Variants in PPEF1 observed in about 807,000 individuals in gnomAD.
PPEF1 encodes the protein protein phosphatase with EF-hand domain 1.
A neutral mutation model predicts 53.3 loss-of-function variants in PPEF1; 12 were observed. The ratio of observed to expected loss-of-function variants is 0.23; its 90% CI spans 0.14 to 0.36. PPEF1 has a LOEUF of 0.36. PPEF1 is among the 10% of genes least tolerant of loss of function. The pLI is 1.00. For missense variants in PPEF1, 334 were observed against 490.4 expected, an observed-to-expected ratio of 0.68 and a Z score of 3.01; for synonymous variants, 165 against 176.7, an observed-to-expected ratio of 0.93 and a Z score of 0.52.
chrX:18,767,411 G>A (rs979307235), intron 6 of PPEF1, among the ~76,000 whole-genome samples: 2 of 111,322 alleles, frequency 1.8e-5, no homozygotes, highest in Non-Finnish European at 3.8e-5. Context: ...TGGGCGTGGT[G>A]GCACACACCC....
intron 6 of PPEF1, among the ~76,000 whole-genome samples, chrX:18,771,110 T>C (rs1315285976): frequency 8.9e-6 from 1 of 112,060 alleles, no homozygotes; most frequent in Admixed American, 9.4e-5. Flanking sequence ...CATGTTTTCC[T>C]CTTCTTTTGA....
chrX:18,733,130 G>A (rs1206291818), intron 2 of PPEF1, among the ~76,000 whole-genome samples: 1 of 111,440 alleles, frequency 9.0e-6, no homozygotes, highest in South Asian at 3.8e-4. Flanking sequence ...CGCTTGATCC[G>A]GGGAGGCGGA....
chrX:18,690,938 A>G (rs1193690812), intron 3 of PPEF1: 2 of 112,076 alleles, frequency 1.8e-5, no homozygotes, highest in Non-Finnish European at 3.8e-5. Flanking sequence ...AAGATTACAA[A>G]TGAGACTGGG....
In PPEF1 at chrX:18,749,780, T is replaced by C. The variant is rs2147462850; in HGVS notation, c.236-12T>C. 1 of 495,394 alleles carries C rather than the reference T, an allele frequency of 2.0e-6. No individual in the cohort carries two copies. The highest frequency in any genetic ancestry group is 2.9e-6 in the Non-Finnish European group (1 of 343,248). The allele number at this position is 495,394 out of a possible 1,213,427, so 40.8% of individuals were successfully genotyped here. A position where few individuals can be genotyped will look rare whatever the true frequency, so the allele number is the denominator to read the frequency against. On this transcript the variant is annotated splice_polypyrimidine_tract_variant and intron_variant, in intron 3 of 15. Coordinates refer to ENST00000470157, the MANE Select transcript of PPEF1 (RefSeq NM_001377996.1). The stretch of plus-strand genomic sequence containing the variant: ...CCACCCCCACCCCCCCGTTCTGTCC[T>C]TCCTTTTCCAGAATTAAGAAATCAG...
chrX:18,792,651 C>A (rs5909238), intron 10 of PPEF1, among the ~76,000 whole-genome samples: 41,211 of 110,118 alleles, frequency 0.37, 6,888 homozygotes, highest in Non-Finnish European at 0.53. Context: ...CTATTGTTGT[C>A]TATTCTCTAT....
intron 13 of PPEF1, among the ~76,000 whole-genome samples, chrX:18,821,758 C>CGAGAGA (rs754652406): frequency 0.053 from 1,520 of 28,525 alleles, 25 homozygotes; most frequent in Non-Finnish European, 0.074. Flanking sequence ...GAAACCATGG[C>CGAGAGA]GAGAGAGAGA....
chrX:18,730,538 A>G (rs779451997), intron 2 of PPEF1, among the ~76,000 whole-genome samples: 1 of 111,197 alleles, frequency 9.0e-6, no homozygotes, highest in South Asian at 3.8e-4. Flanking sequence ...GCTGCCCAAC[A>G]TCTGGTTAAC....
At chrX:18,809,074 T>G (rs1330732148) in intron 12 of PPEF1, among the ~76,000 whole-genome samples, 1 of 101,992 alleles carries the variant, frequency 9.8e-6, no homozygotes, top group Admixed American at 1.1e-4. Context: ...ATTATATATA[T>G]ATAGATATAT....
chrX:18,684,998 T>C (rs1929014467), intron 2 of PPEF1, among the ~76,000 whole-genome samples: 1 of 112,115 alleles, frequency 8.9e-6, no homozygotes, highest in Non-Finnish European at 1.9e-5. Context: ...TGACTACTAC[T>C]GCCCACTCCT....
chrX:18,797,811 C>T (rs183524964), intron 10 of PPEF1, among the ~76,000 whole-genome samples: 12,367 of 110,939 alleles, frequency 0.11, 609 homozygotes, highest in Admixed American at 0.21. Flanking sequence ...ACACCATTCT[C>T]CTGCCTCAGC....
chrX:18,819,172 G>A (rs1020195035), intron 13 of PPEF1, among the ~76,000 whole-genome samples: 2 of 111,893 alleles, frequency 1.8e-5, no homozygotes, highest in Non-Finnish European at 3.8e-5. Context: ...TACCATGAGT[G>A]AGAGTCAGCA....
chrX:18,782,467 A>G, intron 8 of PPEF1, 65 bp downstream of exon 8: 1 of 928,667 alleles, frequency 1.1e-6, no homozygotes, highest in South Asian at 2.3e-5. Flanking sequence ...AAATTTAAAA[A>G]GAGCCAAGAA....
chrX:18,787,392 G>A (rs2046227626), intron 9 of PPEF1, among the ~76,000 whole-genome samples: 1 of 110,859 alleles, frequency 9.0e-6, no homozygotes, highest in Non-Finnish European at 1.9e-5. Flanking sequence ...CAATGCAGAG[G>A]GATTAAAGAA....
intron 6 of PPEF1, among the ~76,000 whole-genome samples, chrX:18,764,353 G>C (rs2045725481): frequency 9.0e-6 from 1 of 111,422 alleles, no homozygotes. Flanking sequence ...GTGTTTCTCT[G>C]TGAGCAGCCC....
At chrX:18,768,201 T>C (rs1228464053) in intron 6 of PPEF1, among the ~76,000 whole-genome samples, 1 of 112,177 alleles carries the variant, frequency 8.9e-6, no homozygotes, top group Non-Finnish European at 1.9e-5. Flanking sequence ...GGGAATAGTT[T>C]GGCAAACTAC....
At chrX:18,817,735 C>A (rs1055124615) in intron 12 of PPEF1, among the ~76,000 whole-genome samples, 2 of 111,579 alleles carry the variant, frequency 1.8e-5, no homozygotes, top group African/African-American at 6.5e-5. Context: ...TGATAAATTT[C>A]AATATCTGGT....
chrX:18,749,992 C>T (rs2045411459), intron 4 of PPEF1, 40 bp downstream of exon 4: 2 of 1,100,251 alleles, frequency 1.8e-6, no homozygotes, highest in Non-Finnish European at 2.5e-6. Flanking sequence ...TTGTACATAA[C>T]AGATGCCCAA....
intron 13 of PPEF1, 71 bp downstream of exon 13, chrX:18,818,216 T>C (rs1217989950): frequency 1.2e-5 from 8 of 671,356 alleles, no homozygotes; most frequent in Non-Finnish European, 1.8e-5. Context: ...TTCATTTTCC[T>C]TGCTTCCTTA....
intron 12 of PPEF1, among the ~76,000 whole-genome samples, chrX:18,806,746 A>G (rs1378578066): frequency 8.9e-6 from 1 of 112,186 alleles, no homozygotes; most frequent in Non-Finnish European, 1.9e-5. Context: ...TTAAATTCAT[A>G]CATCTTTTTA....
Sources: gnomAD v4.1 joint callset for allele counts (sites outside exome capture counted in the v4.1 genomes callset) on GRCh38, gnomAD v4.1.1 for gene constraint, MANE v1.5 for transcripts, NCBI Gene and HGNC (gene_info 2026-07-23, HGNC 2026-07-21) for gene names.